KCTD1: variants seen among roughly 807,000 people sequenced by gnomAD.
The protein encoded by KCTD1 is potassium channel tetramerization domain containing 1.
A neutral mutation model predicts 66.0 loss-of-function variants in KCTD1; 24 were observed. The ratio of observed to expected loss-of-function variants is 0.36; its 90% confidence interval spans 0.26 to 0.51. The LOEUF (loss-of-function observed/expected upper bound fraction) is 0.51, where lower values mean the gene tolerates loss of function less well. Among genes scored for constraint, KCTD1 ranks in the 20% least tolerant of loss-of-function variants. KCTD1 has a pLI of 0.95. For missense variants in KCTD1, 943 were observed against 1,205.2 expected, an observed-to-expected ratio of 0.78 and a Z score of 3.22; for synonymous variants, 511 against 517.2, an observed-to-expected ratio of 0.99 and a Z score of 0.16.
At chr18:26,641,037 G>C (rs547966262), upstream of KCTD1, among the ~76,000 whole-genome samples, 39 of 152,256 alleles carry the variant, frequency 2.6e-4, no homozygotes, top group African/African-American at 9.1e-4. Context: ...TCCTGTTTCT[G>C]CCAGACTGAT....
At chr18:26,515,845 G>A (rs886281248) in intron 1 of KCTD1, among the ~76,000 whole-genome samples, 4 of 152,166 alleles carry the variant, frequency 2.6e-5, no homozygotes, top group African/African-American at 4.8e-5. Context: ...GGCAGCAGAC[G>A]GCACTGCACT....
intron 1 of KCTD1, among the ~76,000 whole-genome samples, chr18:26,602,586 C>T (rs1024513058): frequency 6.6e-6 from 1 of 152,146 alleles, no homozygotes. Flanking sequence ...TTAAGTCATC[C>T]AGGTCCCTCT....
chr18:26,599,804 C>T (rs537941777), intron 1 of KCTD1: 2 of 1,562,738 alleles, frequency 1.3e-6, no homozygotes, highest in African/African-American at 1.4e-5. Context: ...CAGCGGGAGC[C>T]CCTAACCCCT....
upstream of KCTD1, among the ~76,000 whole-genome samples, chr18:26,550,826 G>A (rs984761534): frequency 1.3e-5 from 2 of 152,248 alleles, no homozygotes; most frequent in African/African-American, 4.8e-5. This position sits in a 1 kb window ranked among gnomAD's most constrained non-coding sequence, Gnocchi z 5.4. Flanking sequence ...AGTCACACAC[G>A]GCTAATTCCA....
At chr18:26,474,628 A>T (rs1286707629) in intron 3 of KCTD1, among the ~76,000 whole-genome samples, 2 of 152,192 alleles carry the variant, frequency 1.3e-5, no homozygotes, top group Non-Finnish European at 2.9e-5. Flanking sequence ...TAGCTAAAAA[A>T]ATTTTTCCAC....
At chr18:26,463,803 C>G (rs551267951) in intron 3 of KCTD1, among the ~76,000 whole-genome samples, 2 of 152,274 alleles carry the variant, frequency 1.3e-5, no homozygotes, top group East Asian at 3.9e-4. Flanking sequence ...TCCTGAAATG[C>G]CGGGATTACA....
chr18:26,469,245 A>C (rs1949449247), intron 3 of KCTD1, among the ~76,000 whole-genome samples: 1 of 151,788 alleles, frequency 6.6e-6, no homozygotes, highest in Non-Finnish European at 1.5e-5. Flanking sequence ...GGTACTTAGA[A>C]TTGATAAATA....
intron 1 of KCTD1, among the ~76,000 whole-genome samples, chr18:26,517,411 T>C (rs1227404073): frequency 6.6e-6 from 1 of 152,080 alleles, no homozygotes; most frequent in African/African-American, 2.4e-5. Context: ...ATCCCAACAC[T>C]TTGGGAGGCT....
intron 1 of KCTD1, among the ~76,000 whole-genome samples, chr18:26,506,011 G>A (rs1447559399): frequency 2.6e-5 from 4 of 151,900 alleles, no homozygotes; most frequent in Non-Finnish European, 4.4e-5. Flanking sequence ...GAGTAGCTGG[G>A]ACTGCAGGTG....
chr18:26,564,684 G>A (rs1346941283), intron 1 of KCTD1, among the ~76,000 whole-genome samples: 7 of 151,686 alleles, frequency 4.6e-5, no homozygotes, highest in Admixed American at 1.3e-4. Flanking sequence ...GAGGTCAGGA[G>A]TTCAAGACCA....
intron 1 of KCTD1, among the ~76,000 whole-genome samples, chr18:26,593,715 TAAG>T (rs755726078): frequency 1.1e-4 from 7 of 62,778 alleles, no homozygotes; most frequent in South Asian, 4.9e-4. Context: ...AGGAGGAAGA[TAAG>T]GAGGAGGAGA....
intron 1 of KCTD1, among the ~76,000 whole-genome samples, chr18:26,648,830 T>TCC (rs1452793388): frequency 6.6e-6 from 1 of 152,178 alleles, no homozygotes; most frequent in Admixed American, 6.5e-5. Context: ...ACTTTATCTC[T>TCC]CCGCACTTCC....
At chr18:26,576,650 G>A (rs906229221) in intron 1 of KCTD1, among the ~76,000 whole-genome samples, 1 of 152,106 alleles carries the variant, frequency 6.6e-6, no homozygotes, top group Non-Finnish European at 1.5e-5. Context: ...CACTGTTAAA[G>A]CCTTTCTTCA....
rs149319500 is a variant in KCTD1, at chr18:26,466,188, C to G, written c.2134-6263G>C. ...CCTAGAAGCAATGTGTGTGTTGCCA[C>G]AGCTGATTGGCTAAAGTACAGGCAT... On this transcript the variant is annotated intron_variant, in intron 3 of 4. Coordinates refer to ENST00000580059, the MANE Select transcript of KCTD1 (RefSeq NM_001142730.3). Among the ~76,000 whole-genome samples, 526 of 152,336 alleles carry G rather than the reference C, an allele frequency of 3.5e-3. 3 individuals are homozygous for G. The highest frequency in any genetic ancestry group is 6.8e-3 in the Middle Eastern group (2 of 294).
chr18:26,558,837 C>A (rs1018161759), intron 1 of KCTD1, among the ~76,000 whole-genome samples: 2 of 151,842 alleles, frequency 1.3e-5, no homozygotes, highest in African/African-American at 4.8e-5. Flanking sequence ...GCAGGAGGAT[C>A]GTTTGAATCT....
chr18:26,571,133 GA>G (rs1177495357), intron 1 of KCTD1, among the ~76,000 whole-genome samples: 1 of 137,138 alleles, frequency 7.3e-6, no homozygotes, highest in East Asian at 2.7e-4. Context: ...CATTGAATAT[GA>G]AAAAAAGTCT....
At chr18:26,631,604 C>G (rs1987619301), upstream of KCTD1, among the ~76,000 whole-genome samples, 1 of 152,114 alleles carries the variant, frequency 6.6e-6, no homozygotes, top group African/African-American at 2.4e-5. Context: ...AAAATTAATA[C>G]AAACATATCA....
At chr18:26,650,692 C>G (rs113253781) in intron 1 of KCTD1, among the ~76,000 whole-genome samples, 3 of 152,276 alleles carry the variant, frequency 2.0e-5, no homozygotes, top group African/African-American at 7.2e-5. Flanking sequence ...GTACCATGGA[C>G]CAATGTAGCT....
intron 1 of KCTD1, among the ~76,000 whole-genome samples, chr18:26,524,970 A>T (rs77637381): frequency 0.015 from 2,274 of 152,106 alleles, 33 homozygotes; most frequent in Middle Eastern, 0.041. Context: ...GCCTGGATGA[A>T]CTCCACCCAG....
Sources: gnomAD v4.1 joint callset for allele counts (sites outside exome capture counted in the v4.1 genomes callset) on GRCh38, gnomAD v4.1.1 for gene constraint, Gnocchi (gnomAD v3.1) non-coding constraint, MANE v1.5 for transcripts, NCBI Gene and HGNC (gene_info 2026-07-23, HGNC 2026-07-21) for gene names.